The following PRKCA variants were observed in gnomAD, a reference collection of about 807,000 sequenced individuals.
The protein encoded by PRKCA is protein kinase C alpha type.
A neutral mutation model predicts 87.0 loss-of-function variants in PRKCA; 27 were observed. That is an observed-to-expected ratio of 0.31 (90% CI 0.23 to 0.43). The LOEUF (loss-of-function observed/expected upper bound fraction) is 0.43, where lower values mean the gene tolerates loss of function less well. Among genes scored for constraint, PRKCA ranks in the 20% least tolerant of loss-of-function variants. PRKCA has a pLI of 1.00. For synonymous variants in PRKCA, 329 were observed against 311.1 expected (o/e 1.06, Z -0.61); for missense variants, 518 against 852.3 (o/e 0.61, Z 4.88).
intron 16 of PRKCA, among the ~76,000 whole-genome samples, chr17:66,799,496 G>A (rs939758304): frequency 1.6e-4 from 1 of 6,126 alleles, no homozygotes; most frequent in Non-Finnish European, 4.0e-4. Context: ...GGTGGTGGTG[G>A]TGGTGGTGGT....
chr17:66,696,966 C>T (rs139232198), intron 8 of PRKCA, among the ~76,000 whole-genome samples: 35 of 152,252 alleles, frequency 2.3e-4, no homozygotes, highest in Middle Eastern at 6.8e-3. Context: ...GGCCTGACTC[C>T]GCCGTAAGCA....
intron 15 of PRKCA, among the ~76,000 whole-genome samples, 176 bp from the exon 16 acceptor site, chr17:66,788,663 A>C (rs1975459065): frequency 6.6e-6 from 1 of 152,102 alleles, no homozygotes; most frequent in Non-Finnish European, 1.5e-5. Flanking sequence ...TGCCAATGTC[A>C]TTTTTGTGAG....
At chr17:66,511,363 G>C (rs1002182467) in intron 3 of PRKCA, among the ~76,000 whole-genome samples, 1 of 152,110 alleles carries the variant, frequency 6.6e-6, no homozygotes, top group Non-Finnish European at 1.5e-5. Flanking sequence ...AAAAGACCAA[G>C]GAAGCTTGAA....
intron 2 of PRKCA, among the ~76,000 whole-genome samples, chr17:66,307,333 A>C (rs1339774085): frequency 6.6e-6 from 1 of 152,198 alleles, no homozygotes; most frequent in East Asian, 1.9e-4. Context: ...AGGAAAATGT[A>C]GCTCTTTCTA....
intron 3 of PRKCA, among the ~76,000 whole-genome samples, chr17:66,635,608 C>T (rs1349675031): frequency 1.3e-5 from 2 of 152,132 alleles, no homozygotes; most frequent in East Asian, 1.9e-4. Flanking sequence ...ATGAGATCAG[C>T]GGGTTATATA....
chr17:66,626,705 C>T (rs1241985700), intron 3 of PRKCA, among the ~76,000 whole-genome samples: 1 of 152,012 alleles, frequency 6.6e-6, no homozygotes, highest in African/African-American at 2.4e-5. Flanking sequence ...AGGGTTTTTG[C>T]CATGTTGGCC....
At chr17:66,533,935 C>T (rs572965011) in intron 3 of PRKCA, among the ~76,000 whole-genome samples, 1 of 152,102 alleles carries the variant, frequency 6.6e-6, no homozygotes, top group African/African-American at 2.4e-5. Flanking sequence ...TTTGTTCGTT[C>T]GTAATGCCAC....
At chr17:66,715,719 A>G (rs765140505) in intron 8 of PRKCA, among the ~76,000 whole-genome samples, 9 of 152,098 alleles carry the variant, frequency 5.9e-5, no homozygotes, top group Non-Finnish European at 1.0e-4. Context: ...CAGGTCATCT[A>G]CTATAAAGGA....
chr17:66,666,793 G>A (rs534613860), intron 5 of PRKCA, among the ~76,000 whole-genome samples: 3 of 152,050 alleles, frequency 2.0e-5, no homozygotes, highest in South Asian at 4.2e-4. Context: ...AAGAGTAGTC[G>A]TAACTCTCCA....
chr17:66,404,445 C>T (rs558003724), intron 2 of PRKCA, among the ~76,000 whole-genome samples: 10 of 152,232 alleles, frequency 6.6e-5, no homozygotes, highest in East Asian at 5.8e-4. Flanking sequence ...GTGCCAAGGG[C>T]GGTTGGGTAC....
At chr17:66,496,347 G>A (rs1368836114) in intron 3 of PRKCA, 64 bp downstream of exon 3, 10 of 1,391,594 alleles carry the variant, frequency 7.2e-6, no homozygotes, top group South Asian at 3.6e-5. Flanking sequence ...TTTTTTTAAC[G>A]CCTGTGCAAC....
At chr17:66,596,826 C>T (rs1969995413) in intron 3 of PRKCA, among the ~76,000 whole-genome samples, 1 of 52,228 alleles carries the variant, frequency 1.9e-5, no homozygotes, top group Non-Finnish European at 3.6e-5. Context: ...TGAGAATATG[C>T]GGTGTTTGGT....
chr17:66,627,774 T>C (rs956608635), intron 3 of PRKCA, among the ~76,000 whole-genome samples: 3 of 152,190 alleles, frequency 2.0e-5, no homozygotes, highest in Admixed American at 6.5e-5. Flanking sequence ...CTACCAGCCA[T>C]CCTTAACTAA....
intron 3 of PRKCA, among the ~76,000 whole-genome samples, chr17:66,583,435 T>A (rs1308073615): frequency 6.6e-6 from 1 of 152,206 alleles, no homozygotes; most frequent in African/African-American, 2.4e-5. Flanking sequence ...CTTTGCAAAA[T>A]GAATTTATTC....
intron 2 of PRKCA, among the ~76,000 whole-genome samples, chr17:66,343,259 G>C (rs1335728956): frequency 6.6e-6 from 1 of 152,114 alleles, no homozygotes; most frequent in African/African-American, 2.4e-5. Flanking sequence ...AAGTTGCTGG[G>C]AATATACACT....
chr17:66,331,017 A>G (rs1906291607), intron 2 of PRKCA, among the ~76,000 whole-genome samples: 1 of 152,216 alleles, frequency 6.6e-6, no homozygotes. Context: ...TAAATTAACA[A>G]GGGGTTGTGT....
intron 2 of PRKCA, among the ~76,000 whole-genome samples, chr17:66,346,365 A>C (rs140630811): frequency 6.6e-6 from 1 of 151,578 alleles, no homozygotes; most frequent in African/African-American, 2.4e-5. Flanking sequence ...CCAAAGTGCT[A>C]AGATTACAGG....
Position 66,514,327 on chromosome 17 carries a change from G to C in PRKCA, c.288+18044G>C, listed in dbSNP as rs531777048. Among the ~76,000 whole-genome samples the C allele has an allele frequency of 6.6e-5, 10 of 152,212 alleles. No individual in the cohort carries two copies. In the South Asian group the frequency reaches 2.1e-3, roughly 32 times the overall value. On this transcript the variant is annotated intron_variant, in intron 3 of 16. Transcript: ENST00000413366. ...TTCTCTTGAAATATGACAGAGCACT[G>C]TCACCTCCCAGAATGCTACATGAAT...
intron 2 of PRKCA, among the ~76,000 whole-genome samples, chr17:66,484,015 C>T (rs1915894858): frequency 6.6e-6 from 1 of 152,058 alleles, no homozygotes; most frequent in Non-Finnish European, 1.5e-5. Context: ...AATGGGCTCA[C>T]AGTTAGTTCT....
Sources: gnomAD v4.1 joint callset for allele counts (sites outside exome capture counted in the v4.1 genomes callset) on GRCh38, gnomAD v4.1.1 for gene constraint, MANE v1.5 for transcripts, NCBI Gene and HGNC (gene_info 2026-07-23, HGNC 2026-07-21) for gene names.